The following ATP8B1 variants were observed in gnomAD, a reference collection of about 807,000 sequenced individuals.
ATP8B1 encodes the protein ATPase phospholipid transporting 8B1.
A neutral mutation model predicts 149.9 loss-of-function variants in ATP8B1; 80 were observed. The ratio of observed to expected loss-of-function variants is 0.53; its 90% CI spans 0.45 to 0.64. ATP8B1 has a LOEUF of 0.64. Among genes scored for constraint, ATP8B1 ranks in the 30% least tolerant of loss-of-function variants. The probability of loss-of-function intolerance (pLI) is 0.00; values close to 1 mark genes in which losing one functional copy is unlikely to be tolerated. For missense variants in ATP8B1, 1,247 were observed against 1,552.6 expected (o/e 0.80, Z 3.31); for synonymous variants, 536 against 562.8 (o/e 0.95, Z 0.67).
At chr18:57,716,800 A>G (rs2079587269) in intron 2 of ATP8B1, among the ~76,000 whole-genome samples, 1 of 152,202 alleles carries the variant, frequency 6.6e-6, no homozygotes, top group Non-Finnish European at 1.5e-5. Flanking sequence ...ACAAAGAAAC[A>G]TGGGACTTAA....
At chr18:57,660,172 T>C (rs2122631839) in intron 22 of ATP8B1, among the ~76,000 whole-genome samples, 1 of 152,310 alleles carries the variant, frequency 6.6e-6, no homozygotes, top group East Asian at 1.9e-4. Context: ...ATGAGGGCTG[T>C]GGGTGTGCTT....
Position 57,795,876 on chromosome 18 carries a change from TAA to T in ATP8B1, c.-26+7120_-26+7121del, listed in dbSNP as rs112695967. ...GTCAATGTTATGTATATTTTACATT[TAA>T]AAAAAAAAAGTCAGGCGCAGTGGCT... On this transcript the variant is annotated intron_variant, in intron 1 of 27. Coordinates refer to ENST00000648908, the MANE Select transcript of ATP8B1 (RefSeq NM_001374385.1). Among the ~76,000 whole-genome samples the T allele has an allele frequency of 3.8e-5, 5 of 133,050 alleles. No individual in the cohort carries two copies. The East Asian group carries it at 8.0e-4, about 21-fold the overall frequency. 87.3% of individuals were successfully genotyped at this position (133,050 alleles called of 152,430 possible). A position where few individuals can be genotyped will look rare whatever the true frequency, so the allele number is the denominator to read the frequency against.
intron 1 of ATP8B1, among the ~76,000 whole-genome samples, chr18:57,779,829 CAG>C (rs947869484): frequency 6.8e-6 from 1 of 147,442 alleles, no homozygotes; most frequent in African/African-American, 2.5e-5. Flanking sequence ...AACTGGAAGA[CAG>C]AGGTTGCAGT....
chr18:57,726,010 A>G (rs1196063564), intron 2 of ATP8B1, among the ~76,000 whole-genome samples: 1 of 152,204 alleles, frequency 6.6e-6, no homozygotes, highest in African/African-American at 2.4e-5. Context: ...TGGGTGGATC[A>G]CAAGGTCAAG....
At chr18:57,681,787 G>T (rs1320274471) in intron 15 of ATP8B1, among the ~76,000 whole-genome samples, 1 of 152,036 alleles carries the variant, frequency 6.6e-6, no homozygotes. Flanking sequence ...GGTGACAAGA[G>T]CAAGACTGTC....
At chr18:57,755,790 T>C (rs2080071288) in intron 1 of ATP8B1, among the ~76,000 whole-genome samples, 1 of 152,166 alleles carries the variant, frequency 6.6e-6, no homozygotes, top group Non-Finnish European at 1.5e-5. Flanking sequence ...TCTCCTGTTC[T>C]CTACAGAGTC....
intron 1 of ATP8B1, among the ~76,000 whole-genome samples, chr18:57,774,326 A>C (rs1275455830): frequency 6.6e-6 from 1 of 152,260 alleles, no homozygotes; most frequent in Non-Finnish European, 1.5e-5. Context: ...GGCTGGGCAC[A>C]GTGGCTCATG....
At chr18:57,738,021 T>C (rs1319643811) in intron 1 of ATP8B1, 1 of 152,192 alleles carries the variant, frequency 6.6e-6, no homozygotes, top group Non-Finnish European at 1.5e-5. Flanking sequence ...CGGGAGGAAT[T>C]TGGCTCTGTC....
intron 2 of ATP8B1, among the ~76,000 whole-genome samples, chr18:57,718,103 T>TAAA (rs59629558): frequency 3.7e-3 from 117 of 31,798 alleles, no homozygotes; most frequent in East Asian, 8.1e-3. Flanking sequence ...CTGGACTAAC[T>TAAA]AAAAAAAAAA....
intron 2 of ATP8B1, among the ~76,000 whole-genome samples, chr18:57,712,527 G>A (rs1037116180): frequency 1.3e-5 from 2 of 152,126 alleles, no homozygotes; most frequent in African/African-American, 4.8e-5. Context: ...CCTCGTCACC[G>A]AGGGCCAAAG....
chr18:57,725,726 A>C (rs1188163065), intron 2 of ATP8B1, among the ~76,000 whole-genome samples: 1 of 152,260 alleles, frequency 6.6e-6, no homozygotes, highest in Non-Finnish European at 1.5e-5. Context: ...AGATAAATTC[A>C]TACATCCTTA....
chr18:57,723,869 C>T (rs1265059536), intron 2 of ATP8B1, among the ~76,000 whole-genome samples: 4 of 149,384 alleles, frequency 2.7e-5, no homozygotes, highest in Non-Finnish European at 5.9e-5. Context: ...GCTACAGTAA[C>T]CAAAACAGCA....
At chr18:57,719,537 T>C (rs180878562) in intron 2 of ATP8B1, among the ~76,000 whole-genome samples, 5 of 152,122 alleles carry the variant, frequency 3.3e-5, no homozygotes, top group African/African-American at 9.7e-5. Context: ...CACCCGAATA[T>C]TGCGCTTTTC....
chr18:57,718,667 T>C (rs2079608684), intron 2 of ATP8B1, among the ~76,000 whole-genome samples: 1 of 152,166 alleles, frequency 6.6e-6, no homozygotes, highest in African/African-American at 2.4e-5. Context: ...AAAAAGATCA[T>C]TCATCATGAT....
At chr18:57,735,585 G>T (rs1333950677) in intron 1 of ATP8B1, 5 of 152,292 alleles carry the variant, frequency 3.3e-5, no homozygotes, top group Admixed American at 3.3e-4. Flanking sequence ...TGGGAGCAAG[G>T]ACCCCTGGTA....
At chr18:57,760,562 C>T (rs965748542) in intron 1 of ATP8B1, among the ~76,000 whole-genome samples, 2 of 152,226 alleles carry the variant, frequency 1.3e-5, no homozygotes, top group Non-Finnish European at 2.9e-5. Context: ...AAGTAATGCA[C>T]ATTCTGGCAC....
intron 11 of ATP8B1, among the ~76,000 whole-genome samples, chr18:57,693,577 AGGT>A (rs1912652323): frequency 6.6e-6 from 1 of 152,024 alleles, no homozygotes; most frequent in Admixed American, 6.6e-5. Context: ...GTGTGGTGGC[AGGT>A]GCCTGTAATC....
At position 57,648,360 on chromosome 18, in the gene ATP8B1, TA is replaced by T; in HGVS notation, c.*127del. ...ATAGTCCAACCCAAGGAGTTTGTTATAAAGATTATTTATTGTCTTCAATATC... is the reference window on the plus strand; with the variant it reads ...ATAGTCCAACCCAAGGAGTTTGTTATAAGATTATTTATTGTCTTCAATATC... On this transcript the variant is annotated 3_prime_UTR_variant, in exon 28 of 28. Coordinates refer to ENST00000648908, the MANE Select transcript of ATP8B1 (RefSeq NM_001374385.1). 8.9e-7 allele frequency: 1 copy of T among 1,117,368 alleles called. No homozygotes were observed. Among genetic ancestry groups the T allele is most frequent in the Non-Finnish European group, 1.3e-6 (1 of 755,818 alleles). The allele number at this position is 1,117,368 out of a possible 1,614,324, so 69.2% of individuals were successfully genotyped here.
chr18:57,694,873 T>C (rs1912723779), intron 10 of ATP8B1, among the ~76,000 whole-genome samples: 1 of 151,784 alleles, frequency 6.6e-6, no homozygotes, highest in Non-Finnish European at 1.5e-5. Context: ...CTACTAAAAA[T>C]ACAAAAATTA....
Sources: allele counts gnomAD v4.1 joint callset (sites outside exome capture counted in the v4.1 genomes callset), GRCh38; gene constraint gnomAD v4.1.1; transcripts MANE v1.5; gene names NCBI Gene and HGNC (gene_info 2026-07-23, HGNC 2026-07-21).